TDO2: variants seen among roughly 807,000 people sequenced by gnomAD.
The protein encoded by TDO2 is tryptamin 2,3-dioxygenase.
Under a neutral mutation model 61.2 loss-of-function variants are expected in TDO2, and 63 were observed. The observed-to-expected ratio is 1.03, with a 90% CI of 0.84 to 1.27. The LOEUF is 1.27. Among genes scored for constraint, TDO2 ranks in the 50% most tolerant of loss-of-function variants. TDO2 has a pLI of 0.00. For synonymous variants in TDO2, 183 were observed against 164.0 expected (o/e 1.12, Z -0.89); for missense variants, 494 against 469.5 (o/e 1.05, Z -0.48).
chr4:155,918,443 C>A (rs932514367), intron 11 of TDO2, among the ~76,000 whole-genome samples: 2 of 152,046 alleles, frequency 1.3e-5, no homozygotes, highest in Non-Finnish European at 2.9e-5. Flanking sequence ...TGTTTTGATC[C>A]TGTATGAAAA....
chr4:155,917,825 T>C (rs1742970631), intron 10 of TDO2, among the ~76,000 whole-genome samples: 1 of 152,038 alleles, frequency 6.6e-6, no homozygotes, highest in South Asian at 2.1e-4. Context: ...TTTTAATAGT[T>C]TTTTTATTTT....
chr4:155,908,904 C>T lies in TDO2; in HGVS notation c.321C>T (p.Asn107=). The T allele has an allele frequency of 2.5e-6, 4 of 1,610,800 alleles. No individual in the cohort carries two copies. The highest frequency in any genetic ancestry group is 3.4e-6 in the Non-Finnish European group (4 of 1,178,626). Residue 107 remains asparagine (N), a synonymous_variant, in exon 5 of 12, where the codon AAC becomes AAT. Coordinates refer to ENST00000536354, the MANE Select transcript of TDO2 (RefSeq NM_005651.4). ...ACCTTCAGGTCAGAGATGAAAGGAA[C>T]ATGCTTAAGGTTGTTTCTCGGATGC... ...FQNGHVRDER[N]MLKVVSRMHR...
intron 11 of TDO2, chr4:155,918,689 T>C (rs1454324127): frequency 6.2e-6 from 1 of 160,292 alleles, no homozygotes; most frequent in African/African-American, 2.4e-5. Flanking sequence ...CTCCAGAGAG[T>C]GCCCCTTTTA....
intron 9 of TDO2, among the ~76,000 whole-genome samples, chr4:155,916,149 A>G (rs150146699): frequency 0.013 from 1,894 of 148,772 alleles, 130 homozygotes; most frequent in Admixed American, 0.12. Flanking sequence ...ACACTACACA[A>G]ATTAATCAAA....
chr4:155,910,227 A>G lies in TDO2; in HGVS notation c.618+16A>G. 2 of 1,537,396 alleles carry G rather than the reference A, an allele frequency of 1.3e-6. No homozygotes were observed. Among genetic ancestry groups the G allele is most frequent in the South Asian group, 1.3e-5 (1 of 78,576 alleles). On this transcript the variant is annotated intron_variant, in intron 6 of 11. Coordinates refer to ENST00000536354, the MANE Select transcript of TDO2 (RefSeq NM_005651.4). ...ATTAGTGGAGGTATGGATTCATACA[A>G]TTTATAAAGTTTAACTCAATACATC...
chr4:155,918,521 C>A (rs924091790), intron 11 of TDO2, among the ~76,000 whole-genome samples: 2 of 152,170 alleles, frequency 1.3e-5, no homozygotes, highest in Admixed American at 1.3e-4. Flanking sequence ...TACATCCAGG[C>A]AGAAAAGTCT....
At chr4:155,918,087 T>A in intron 10 of TDO2, 62 bp from the exon 11 acceptor site, 1 of 1,513,448 alleles carries the variant, frequency 6.6e-7, no homozygotes, top group Non-Finnish European at 9.1e-7. Context: ...CCCTCATTGT[T>A]AGAACATTGT....
chr4:155,916,780 C>T (rs951519746), intron 9 of TDO2, among the ~76,000 whole-genome samples: 1 of 152,114 alleles, frequency 6.6e-6, no homozygotes, highest in African/African-American at 2.4e-5. Context: ...CCTATATTTA[C>T]AGGCCGTCAT....
At chr4:155,905,393 AACTCCAAGGGGACTT>A (rs1742701091) in intron 3 of TDO2, 3 of 389,582 alleles carry the variant, frequency 7.7e-6, no homozygotes, top group African/African-American at 6.4e-5. Context: ...CTTTGTTCTT[AACTCCAAGGGGACTT>A]TCTGCCTCTT....
At chr4:155,918,054 C>A in intron 10 of TDO2, 95 bp from the exon 11 acceptor site, 1 of 1,218,868 alleles carries the variant, frequency 8.2e-7, no homozygotes, top group South Asian at 1.4e-5. Flanking sequence ...AACATTTTCT[C>A]AGAAGCAATT....
intron 9 of TDO2, among the ~76,000 whole-genome samples, chr4:155,916,312 CG>C (rs1560779014): frequency 6.9e-6 from 1 of 144,922 alleles, no homozygotes; most frequent in African/African-American, 2.5e-5. Context: ...GGACTACAGG[CG>C]CCCACCACCA....
Position 155,907,793 on chromosome 4 carries a change from G to A in TDO2, c.303+1G>A. Reference sequence around the variant, plus strand: ...TCGAGAGATCTTTCAGAATGGCCATGTAAGTTCTTATGTCACAATATTGGT... The same window carrying A: ...TCGAGAGATCTTTCAGAATGGCCATATAAGTTCTTATGTCACAATATTGGT... On this transcript the variant is annotated splice_donor_variant, in intron 4 of 11. Transcript: ENST00000536354. LOFTEE classifies it high-confidence loss of function. 1 of 1,610,886 alleles carries A rather than the reference G, an allele frequency of 6.2e-7. No individual in the cohort carries two copies. Among genetic ancestry groups the A allele is most frequent in the South Asian group, 1.1e-5 (1 of 90,780 alleles).
Position 155,915,837 on chromosome 4 carries a change from T to C in TDO2, c.839-18T>C. On this transcript the variant is annotated intron_variant, in intron 8 of 11. Coordinates refer to ENST00000536354, the MANE Select transcript of TDO2 (RefSeq NM_005651.4). ...CTTAAATGACCTAAAAAATTTAAAT[T>C]TAGTATGTATTTTGCAGGTGAAAGA... The C allele has an allele frequency of 6.3e-7, 1 of 1,596,894 alleles. No homozygotes were observed. The highest frequency in any genetic ancestry group is 8.5e-7 in the Non-Finnish European group (1 of 1,174,736).
At chr4:155,914,501 A>G (rs1254601758) in intron 8 of TDO2, 67 bp downstream of exon 8, 2 of 1,095,524 alleles carry the variant, frequency 1.8e-6, no homozygotes, top group Admixed American at 6.0e-5. Context: ...ACATCATTTT[A>G]TAAGACTATC....
intron 2 of TDO2, among the ~76,000 whole-genome samples, chr4:155,904,563 G>A (rs1742683713): frequency 6.6e-6 from 1 of 152,146 alleles, no homozygotes; most frequent in Non-Finnish European, 1.5e-5. Flanking sequence ...ATATAAAGAG[G>A]GATGTTAATG....
At chr4:155,908,050 T>C (rs1419269629) in intron 4 of TDO2, among the ~76,000 whole-genome samples, 1 of 152,208 alleles carries the variant, frequency 6.6e-6, no homozygotes, top group African/African-American at 2.4e-5. Context: ...ACAAAGATGT[T>C]ATAAATGATG....
intron 6 of TDO2, among the ~76,000 whole-genome samples, chr4:155,911,218 A>G (rs533901538): frequency 3.3e-5 from 5 of 152,136 alleles, no homozygotes; most frequent in African/African-American, 1.2e-4. Context: ...ATGTTTGTAG[A>G]TTTCTAGAAG....
chr4:155,913,838 G>C (rs1742881971), intron 7 of TDO2, among the ~76,000 whole-genome samples: 1 of 152,032 alleles, frequency 6.6e-6, no homozygotes, highest in Non-Finnish European at 1.5e-5. Flanking sequence ...TCAATAGATA[G>C]ATAGAAAATG....
In TDO2 at chr4:155,919,857, T is replaced by C. The variant is rs1743011593; in HGVS notation, c.1088T>C (p.Val363Ala). Reference sequence around the variant, plus strand: ...TCCAGTGATAGGTACAAGGTATTTGTAGATTTATTTAATCTTTCAACATAC... The same window carrying C: ...TCCAGTGATAGGTACAAGGTATTTGCAGATTTATTTAATCTTTCAACATAC... ...STVSDRYKVFVDLFNLSTYLI... is the reference protein window; with the variant it reads ...STVSDRYKVFADLFNLSTYLI... The change falls in exon 12 of 12, where the codon GTA becomes GCA. Residue 363 changes from valine (V) to alanine (A), a missense_variant. Physicochemically the swap from Val to Ala is moderately conservative, Grantham distance 64. Coordinates refer to ENST00000536354, the MANE Select transcript of TDO2 (RefSeq NM_005651.4). The C allele has an allele frequency of 6.2e-7, 1 of 1,613,378 alleles. No individual in the cohort carries two copies. Among genetic ancestry groups the C allele is most frequent in the Non-Finnish European group, 8.5e-7 (1 of 1,179,690 alleles).
Sources: gnomAD v4.1 joint callset for allele counts (sites outside exome capture counted in the v4.1 genomes callset) on GRCh38, gnomAD v4.1.1 for gene constraint, MANE v1.5 for transcripts, NCBI Gene and HGNC (gene_info 2026-07-23, HGNC 2026-07-21) for gene names.